THSD7B: variants seen among roughly 807,000 people sequenced by gnomAD.
The protein encoded by THSD7B is thrombospondin type-1 domain-containing protein 7B.
A neutral mutation model predicts 213.6 loss-of-function variants in THSD7B; 138 were observed. The observed-to-expected ratio is 0.65, with a 90% CI of 0.56 to 0.74. The LOEUF is 0.74. Among genes scored for constraint, THSD7B ranks in the 30% least tolerant of loss-of-function variants. The pLI, the probability that THSD7B is intolerant of heterozygous loss-of-function variation, is 0.00. For missense variants in THSD7B, 1,931 were observed against 1,991.5 expected (o/e 0.97, Z 0.58); for synonymous variants, 742 against 687.0 (o/e 1.08, Z -1.25).
At chr2:137,178,919 C>G (rs1680405899) in intron 7 of THSD7B, among the ~76,000 whole-genome samples, 1 of 152,188 alleles carries the variant, frequency 6.6e-6, no homozygotes, top group African/African-American at 2.4e-5. Context: ...CAGTGTTTCA[C>G]AATCAGACTA....
Position 137,182,222 on chromosome 2 carries a change from G to T in THSD7B, c.1723+11284G>T, listed in dbSNP as rs78619300. On this transcript the variant is annotated intron_variant, in intron 7 of 27. Transcript: ENST00000409968. ...TGTTTATTGAGACAAGTAGGACCCTGTGCTTTAGGAACTTGGCAGGGAGCA... is the reference window on the plus strand; with the variant it reads ...TGTTTATTGAGACAAGTAGGACCCTTTGCTTTAGGAACTTGGCAGGGAGCA... Among the ~76,000 whole-genome samples, 26 of 152,292 alleles carry T rather than the reference G, an allele frequency of 1.7e-4. No individual in the cohort carries two copies. The East Asian group carries it at 4.6e-3, about 27-fold the overall frequency.
Position 137,231,078 on chromosome 2 carries a change from CCCT to C in THSD7B, c.1765_1767del (p.Pro589del), listed in dbSNP as rs779441423. On this transcript the variant is annotated inframe_deletion, in exon 8 of 28. Coordinates refer to ENST00000409968, the MANE Select transcript of THSD7B (RefSeq NM_001316349.2). ...TATCAGGGAGTCTTTGCCCAGTTCC[CCCT>C]CCTCCTGAGAGGAAGTCTTGTGAAA... 4.3e-6 allele frequency: 7 copies of C among 1,613,498 alleles called. No homozygotes were observed. In the African/African-American group the frequency reaches 9.4e-5, roughly 22 times the overall value.
intron 7 of THSD7B, among the ~76,000 whole-genome samples, chr2:137,193,657 T>A (rs1680703492): frequency 6.6e-6 from 1 of 152,082 alleles, no homozygotes; most frequent in South Asian, 2.1e-4. Context: ...GAGGGTGTCA[T>A]GCTCAGTGAT....
At chr2:136,973,780 G>A (rs1685439523) in intron 2 of THSD7B, among the ~76,000 whole-genome samples, 1 of 152,052 alleles carries the variant, frequency 6.6e-6, no homozygotes, top group Admixed American at 6.6e-5. Context: ...TAATATTTAG[G>A]GTAATATTTT....
At chr2:136,890,688 C>A (rs1683836365) in intron 2 of THSD7B, among the ~76,000 whole-genome samples, 2 of 150,352 alleles carry the variant, frequency 1.3e-5, no homozygotes, top group South Asian at 4.2e-4. Flanking sequence ...TACAGGCATC[C>A]ACCAACATGC....
chr2:137,461,019 G>A (rs890110321), intron 15 of THSD7B, among the ~76,000 whole-genome samples: 7 of 151,970 alleles, frequency 4.6e-5, no homozygotes. Context: ...TATTCATGAT[G>A]TTACATGTAG....
chr2:136,881,960 A>C (rs1335026153), intron 1 of THSD7B, among the ~76,000 whole-genome samples, 184 bp from the exon 2 acceptor site: 4 of 152,214 alleles, frequency 2.6e-5, no homozygotes, highest in Non-Finnish European at 5.9e-5. Context: ...AATACAAAAC[A>C]TGGTAAAAAC....
rs1438887771 is a variant in THSD7B at position 137,170,925 on chromosome 2, C to T, written c.1710C>T (p.Cys570=). The change falls in exon 7 of 28, where the codon TGC becomes TGT. Residue 570 remains cysteine, a synonymous_variant. Coordinates refer to ENST00000409968, the MANE Select transcript of THSD7B (RefSeq NM_001316349.2). ...GLGHRILKAV[C]QNDRGEDVSG... ...GACATCGTATTCTGAAGGCCGTCTG[C>T]CAGAATGACCGCGGTATGACCCAGT... 6.2e-7 allele frequency: 1 copy of T among 1,612,420 alleles called. No individual in the cohort carries two copies. The highest frequency in any genetic ancestry group is 1.7e-5 in the Admixed American group (1 of 59,968).
chr2:137,399,238 G>A (rs1365031873), intron 12 of THSD7B, among the ~76,000 whole-genome samples: 5 of 150,408 alleles, frequency 3.3e-5, no homozygotes, highest in South Asian at 4.2e-4. Flanking sequence ...TGTTTCCCAG[G>A]TTGTAGTGCA....
intron 6 of THSD7B, among the ~76,000 whole-genome samples, chr2:137,168,949 G>A (rs980936540): frequency 1.3e-5 from 2 of 152,032 alleles, no homozygotes; most frequent in African/African-American, 4.8e-5. Flanking sequence ...GAGCCCTTCT[G>A]TAGATTTTAT....
intron 7 of THSD7B, among the ~76,000 whole-genome samples, chr2:137,211,675 A>AATACCTTGG (rs1180845431): frequency 6.6e-6 from 1 of 152,004 alleles, no homozygotes; most frequent in Admixed American, 6.6e-5. Context: ...TAAGAGTGCT[A>AATACCTTGG]ATACCTTGGT....
At chr2:137,615,333 A>G (rs1474777065) in intron 17 of THSD7B, among the ~76,000 whole-genome samples, 1 of 152,206 alleles carries the variant, frequency 6.6e-6, no homozygotes, top group Non-Finnish European at 1.5e-5. Flanking sequence ...AGAACATGGT[A>G]TTGTTAGAAA....
At chr2:137,278,822 T>G (rs2104814694) in intron 12 of THSD7B, among the ~76,000 whole-genome samples, 1 of 152,302 alleles carries the variant, frequency 6.6e-6, no homozygotes, top group East Asian at 1.9e-4. Context: ...TTATCCGGAT[T>G]CATAGAAACG....
At chr2:137,545,106 A>G (rs918065545) in intron 15 of THSD7B, among the ~76,000 whole-genome samples, 1 of 151,802 alleles carries the variant, frequency 6.6e-6, no homozygotes, top group East Asian at 1.9e-4. Context: ...GTGGGAATGC[A>G]GCTGTATTTT....
chr2:137,470,575 G>T (rs1558807165), intron 15 of THSD7B, among the ~76,000 whole-genome samples: 1 of 152,212 alleles, frequency 6.6e-6, no homozygotes. Context: ...GCTGAAAGAA[G>T]AGCACTGGAA....
At chr2:137,186,835 C>T (rs1334249459) in intron 7 of THSD7B, among the ~76,000 whole-genome samples, 2 of 152,082 alleles carry the variant, frequency 1.3e-5, no homozygotes, top group South Asian at 4.1e-4. Context: ...TCTTCCAATC[C>T]ATGAACATGG....
At chr2:137,362,132 T>A (rs1314505485) in intron 12 of THSD7B, among the ~76,000 whole-genome samples, 1 of 152,136 alleles carries the variant, frequency 6.6e-6, no homozygotes, top group African/African-American at 2.4e-5. Context: ...CCAGCCAAAC[T>A]AAGCTTCCTA....
intron 15 of THSD7B, among the ~76,000 whole-genome samples, chr2:137,497,336 TAC>T (rs370967856): frequency 6.6e-6 from 1 of 152,254 alleles, no homozygotes; most frequent in African/African-American, 2.4e-5. Flanking sequence ...TTCTTTCAAC[TAC>T]AGTCTGGTAA....
intron 15 of THSD7B, among the ~76,000 whole-genome samples, chr2:137,514,012 T>A (rs956505669): frequency 6.6e-6 from 1 of 152,218 alleles, no homozygotes; most frequent in Non-Finnish European, 1.5e-5. Context: ...CTTGACCCTG[T>A]CTGTATTGAT....
Sources: gnomAD v4.1 joint callset for allele counts (sites outside exome capture counted in the v4.1 genomes callset) on GRCh38, gnomAD v4.1.1 for gene constraint, MANE v1.5 for transcripts, NCBI Gene and HGNC (gene_info 2026-07-23, HGNC 2026-07-21) for gene names.